Variants in BNIP3 observed in about 807,000 individuals in gnomAD.
The protein encoded by BNIP3 is BCL2/adenovirus E1B 19 kDa protein-interacting protein 3.
BNIP3 carries 16 observed loss-of-function variants against 23.9 expected under a neutral mutation model. The ratio of observed to expected loss-of-function variants is 0.67; its 90% CI spans 0.45 to 1.01. The LOEUF is 1.01. BNIP3 is among the 50% of genes least tolerant of loss of function. The pLI, the probability that BNIP3 is intolerant of heterozygous loss-of-function variation, is 0.00. For synonymous variants in BNIP3, 81 were observed against 89.3 expected (o/e 0.91, Z 0.53); for missense variants, 198 against 248.7 (o/e 0.80, Z 1.37).
intron 1 of BNIP3, chr10:131,980,281 CT>C (rs2037109564): frequency 2.0e-5 from 3 of 152,294 alleles, no homozygotes; most frequent in Non-Finnish European, 2.9e-5. Flanking sequence ...AGTAACGCGG[CT>C]TCACAACCGG....
chr10:131,979,552 C>T (rs2037102953), intron 1 of BNIP3, among the ~76,000 whole-genome samples: 1 of 152,102 alleles, frequency 6.6e-6, no homozygotes, highest in South Asian at 2.1e-4. Flanking sequence ...GTCACAGAAT[C>T]CTACCTCTCC....
At chr10:131,973,422 G>A (rs372474829) in intron 2 of BNIP3, 25 of 464,738 alleles carry the variant, frequency 5.4e-5, no homozygotes, top group African/African-American at 4.7e-4. Context: ...AAGGGCACGC[G>A]ACCTTTGACC....
In BNIP3 at chr10:131,976,122, C is replaced by T. The variant is rs1014151050; in HGVS notation, c.47-2179G>A. Among the ~76,000 whole-genome samples, 1 of 152,232 alleles carries T rather than the reference C, an allele frequency of 6.6e-6. No homozygotes were observed. The highest frequency in any genetic ancestry group is 1.5e-5 in the Non-Finnish European group (1 of 68,038). ...ATGGCCTGCCCCTGAGAGAACGGCA[C>T]CACAGCCTCTGTTTTGGCCAGCTGT... On this transcript the variant is annotated intron_variant, in intron 1 of 5. Coordinates refer to ENST00000368636, the MANE Select transcript of BNIP3 (RefSeq NM_004052.4). This position sits in a 1 kb window ranked among gnomAD's most constrained non-coding sequence, Gnocchi z 4.3.
chr10:131,971,003 T>C (rs1318045465), intron 3 of BNIP3, 33 bp from the exon 4 acceptor site: 39 of 1,594,510 alleles, frequency 2.4e-5, no homozygotes, highest in South Asian at 3.3e-5. Flanking sequence ...GGCAGATCAG[T>C]GTACCACACG....
chr10:131,972,211 A>G (rs1309634805), intron 3 of BNIP3, among the ~76,000 whole-genome samples: 2 of 152,188 alleles, frequency 1.3e-5, no homozygotes, highest in Non-Finnish European at 2.9e-5. Flanking sequence ...CCGCTTTCAC[A>G]ACAATGCTGA....
chr10:131,975,765 G>A (rs2133694344), intron 1 of BNIP3, among the ~76,000 whole-genome samples: 1 of 152,346 alleles, frequency 6.6e-6, no homozygotes, highest in Admixed American at 6.5e-5. Flanking sequence ...CTCCCAGTAA[G>A]CTGCTAACGA....
At chr10:131,974,694 C>T (rs1465867107) in intron 1 of BNIP3, among the ~76,000 whole-genome samples, 3 of 152,194 alleles carry the variant, frequency 2.0e-5, no homozygotes, top group East Asian at 3.9e-4. Context: ...TGACTTGCAT[C>T]GTGTGGCTTA....
Position 131,976,661 on chromosome 10 carries a change from A to G in BNIP3, c.47-2718T>C, listed in dbSNP as rs1403388508. Among the ~76,000 whole-genome samples the G allele has an allele frequency of 6.6e-6, 1 of 151,482 alleles. No individual in the cohort carries two copies. Among genetic ancestry groups the G allele is most frequent in the Non-Finnish European group, 1.5e-5 (1 of 67,822 alleles). On this transcript the variant is annotated intron_variant, in intron 1 of 5. Transcript: ENST00000368636. The surrounding 1 kb of genome is among the most constrained non-coding windows in gnomAD (Gnocchi z 4.3). Reference sequence around the variant, plus strand: ...GCAACCAGACTCCCACTTACCCCACATGTCCCAACCCTAACCCCAACCATG... The same window carrying G: ...GCAACCAGACTCCCACTTACCCCACGTGTCCCAACCCTAACCCCAACCATG...
At chr10:131,981,367 A>G (rs967866801) in intron 1 of BNIP3, 1 of 279,774 alleles carries the variant, frequency 3.6e-6, no homozygotes, top group African/African-American at 2.2e-5. Flanking sequence ...TTTGGTCATT[A>G]AAACCAATAC....
chr10:131,980,934 C>G (rs940185554), intron 1 of BNIP3: 1 of 151,818 alleles, frequency 6.6e-6, no homozygotes, highest in African/African-American at 2.4e-5. Flanking sequence ...TGAGCAAAGG[C>G]TCGTCTGGAC....
intron 1 of BNIP3, 105 bp from the exon 2 acceptor site, chr10:131,974,048 G>A: frequency 2.1e-6 from 3 of 1,443,360 alleles, no homozygotes; most frequent in Non-Finnish European, 2.8e-6. Flanking sequence ...AGGTAGCAAT[G>A]GTGCCACACC....
At chr10:131,971,923 C>T (rs369527056) in intron 3 of BNIP3, among the ~76,000 whole-genome samples, 8 of 152,348 alleles carry the variant, frequency 5.3e-5, no homozygotes, top group East Asian at 3.9e-4. Flanking sequence ...AGCGCTAGCA[C>T]GGAAGGGTCA....
At position 131,970,449 on chromosome 10, in the gene BNIP3, G is replaced by T; in HGVS notation, c.539+189C>A. On this transcript the variant is annotated intron_variant, in intron 5 of 5. Transcript: ENST00000368636. The surrounding 1 kb of genome is among the most constrained non-coding windows in gnomAD (Gnocchi z 4.1). ...GACAGCAGCACCACAGGGCGCCTGT[G>T]CTGGGGCCTTTGGGGGCTGCAGGCT... 1.3e-6 allele frequency: 1 copy of T among 794,128 alleles called. No individual in the cohort carries two copies. The highest frequency in any genetic ancestry group is 1.9e-6 in the Non-Finnish European group (1 of 514,140). The allele number at this position is 794,128 out of a possible 1,614,324, so 49.2% of individuals were successfully genotyped here. A position where few individuals can be genotyped will look rare whatever the true frequency, so the allele number is the denominator to read the frequency against.
At chr10:131,977,483 G>A (rs1340779141) in intron 1 of BNIP3, among the ~76,000 whole-genome samples, 1 of 152,156 alleles carries the variant, frequency 6.6e-6, no homozygotes, top group Non-Finnish European at 1.5e-5. Context: ...AGTGATTTAC[G>A]AACAGAAACT....
rs1022178050 is a variant in BNIP3 at position 131,973,095 on chromosome 10, T to C, written c.221A>G (p.Gln74Arg). ...TGTTTCAGAAGCTCTGTTGGTATCT[T>C]GTGGTGTCTGCGAGCGAGGTGGGCT... ...CDSPPRSQTP[Q>R]DTNRASETDT... is the part of the protein sequence containing the mutation. Residue 74 changes from glutamine (Q) to arginine (R), a missense_variant, in exon 3 of 6, where the codon CAA becomes CGA. By Grantham distance (43) the Gln-to-Arg change is conservative. Transcript: ENST00000368636. 1 of 1,613,736 alleles carries C rather than the reference T, an allele frequency of 6.2e-7. No individual in the cohort carries two copies. The highest frequency in any genetic ancestry group is 1.3e-5 in the African/African-American group (1 of 75,042).
At chr10:131,971,376 C>T (rs1039498643) in intron 3 of BNIP3, 6 of 241,892 alleles carry the variant, frequency 2.5e-5, no homozygotes, top group Middle Eastern at 1.4e-3. Context: ...AAAACAGGGA[C>T]ATGACGAAGG....
chr10:131,979,334 C>G (rs988480893), intron 1 of BNIP3, among the ~76,000 whole-genome samples: 1 of 152,240 alleles, frequency 6.6e-6, no homozygotes. Context: ...TCCCCTCATA[C>G]AACTTTGCCC....
Position 131,973,762 on chromosome 10 carries a change from G to A in BNIP3, c.197+31C>T, listed in dbSNP as rs1448700218. On this transcript the variant is annotated intron_variant, in intron 2 of 5. Transcript: ENST00000368636. ...GTCACCCACTGAAGACATCGGCACT[G>A]TAACACATACACTTGTTGATGCGCG... 6 of 1,609,878 alleles carry A rather than the reference G, an allele frequency of 3.7e-6. 1 individual carries two copies. In the African/African-American group the frequency reaches 8.0e-5, roughly 22 times the overall value.
Position 131,973,081 on chromosome 10 carries a change from C to T in BNIP3, c.235G>A (p.Ala79Thr). The T allele has an allele frequency of 6.2e-7, 1 of 1,613,808 alleles. No homozygotes were observed. Residue 79 changes from alanine (A) to threonine (T), a missense_variant, in exon 3 of 6, where the codon GCT (alanine) becomes ACT (threonine). By Grantham distance (58) the Ala-to-Thr change is moderately conservative. Coordinates refer to ENST00000368636, the MANE Select transcript of BNIP3 (RefSeq NM_004052.4). ...ATGCTATGGGTATCTGTTTCAGAAGCTCTGTTGGTATCTTGTGGTGTCTGC... is the reference window on the plus strand; with the variant it reads ...ATGCTATGGGTATCTGTTTCAGAAGTTCTGTTGGTATCTTGTGGTGTCTGC... ...RSQTPQDTNR[A>T]SETDTHSIGE...
Sources: allele counts gnomAD v4.1 joint callset (sites outside exome capture counted in the v4.1 genomes callset), GRCh38; gene constraint gnomAD v4.1.1; non-coding constraint Gnocchi (gnomAD v3.1); transcripts MANE v1.5; gene names NCBI Gene and HGNC (gene_info 2026-07-23, HGNC 2026-07-21).